The following ZNF592 variants were observed in gnomAD, a reference collection of about 807,000 sequenced individuals.
ZNF592 encodes the protein zinc finger protein 592.
In ZNF592, 11 loss-of-function variants were observed where a neutral mutation model predicts 80.3. That is an observed-to-expected ratio of 0.14 (90% confidence interval 0.09 to 0.23). The LOEUF is 0.23. ZNF592 is among the 10% of genes least tolerant of loss of function. The pLI, the probability that ZNF592 is intolerant of heterozygous loss-of-function variation, is 1.00. For missense variants in ZNF592, 1,420 were observed against 1,633.9 expected (o/e 0.87, Z 2.26); for synonymous variants, 646 against 640.3 (o/e 1.01, Z -0.13).
chr15:84,751,632 C>A (rs1269195904), intron 1 of ZNF592, among the ~76,000 whole-genome samples: 1 of 150,196 alleles, frequency 6.7e-6, no homozygotes, highest in Non-Finnish European at 1.5e-5. Flanking sequence ...AAGCTGGATG[C>A]GGTGGCTCAT....
chr15:84,780,679 A>G (rs1297652706), intron 3 of ZNF592, among the ~76,000 whole-genome samples: 1 of 152,224 alleles, frequency 6.6e-6, no homozygotes, highest in Non-Finnish European at 1.5e-5. Flanking sequence ...GAGTGGGGCA[A>G]GAAACCAAAC....
Position 84,758,264 on chromosome 15 carries a change from C to T in ZNF592, c.-258-6443C>T, listed in dbSNP as rs192208026. Among the ~76,000 whole-genome samples the T allele has an allele frequency of 3.9e-3, 599 of 152,174 alleles. 2 individuals are homozygous for T. Among genetic ancestry groups the T allele is most frequent in the African/African-American group, 0.014 (567 of 41,520 alleles). ...CTGGGATTACAGGCATGAGCCACAG[C>T]GCCCGGCCCCGTTAATCCTTTAAAA... On this transcript the variant is annotated intron_variant, in intron 1 of 10. Coordinates refer to ENST00000560079, the MANE Select transcript of ZNF592 (RefSeq NM_014630.3).
At position 84,784,798 on chromosome 15, in the gene ZNF592, G is replaced by A. The variant is rs777199337; in HGVS notation, c.2123G>A (p.Arg708Gln). Residue 708 changes from arginine (R) to glutamine (Q), a missense_variant, in exon 4 of 11, where the codon CGG becomes CAG. Arg to Gln is a conservative substitution (Grantham distance 43, BLOSUM62 1). Around this residue, in one of 7 missense-constraint regions of ZNF592, gnomAD observed 524 missense variants for 628.3 expected, o/e 0.83. Transcript: ENST00000560079. The surrounding 1 kb of genome is among the most constrained non-coding windows in gnomAD (Gnocchi z 5.8). Reference sequence around the variant, plus strand: ...TACCCAGACCCTGTGAGGCTCATCCGGTACTCAATCAAGTGTCTTGAATGT... The same window carrying A: ...TACCCAGACCCTGTGAGGCTCATCCAGTACTCAATCAAGTGTCTTGAATGT... The part of the protein sequence containing the change: ...PLYPDPVRLI[R>Q]YSIKCLECHK... 3.7e-6 allele frequency: 6 copies of A among 1,614,066 alleles called. No individual in the cohort carries two copies. The highest frequency in any genetic ancestry group is 1.1e-5 in the South Asian group (1 of 91,080).
chr15:84,770,761 C>G (rs1899674924), intron 2 of ZNF592, among the ~76,000 whole-genome samples: 1 of 152,004 alleles, frequency 6.6e-6, no homozygotes, highest in Admixed American at 6.6e-5. Context: ...CATGGTGGAG[C>G]CTGTGTATCT....
chr15:84,794,481 CT>C lies in ZNF592; in HGVS notation c.2400-3374del, dbSNP rs56308142. Among the ~76,000 whole-genome samples, 818 of 144,198 alleles carry C rather than the reference CT, an allele frequency of 5.7e-3. 1 individual carries two copies. Among genetic ancestry groups the C allele is most frequent in the African/African-American group, 0.014 (555 of 39,606 alleles). The allele number at this position is 144,198 out of a possible 152,430, so 94.6% of individuals were successfully genotyped here. A position where few individuals can be genotyped will look rare whatever the true frequency, so the allele number is the denominator to read the frequency against. On this transcript the variant is annotated intron_variant, in intron 5 of 10. Coordinates refer to ENST00000560079, the MANE Select transcript of ZNF592 (RefSeq NM_014630.3). The stretch of plus-strand genomic sequence containing the variant: ...TGATCATGTGCTTATTGGACTCCAA[CT>C]TTTTTTTTTTTTTGAGACAGTCTTA...
chr15:84,784,736 G>A lies in ZNF592; in HGVS notation c.2061G>A (p.Ser687=), dbSNP rs372059592. 35 of 1,613,814 alleles carry A rather than the reference G, an allele frequency of 2.2e-5. No individual in the cohort carries two copies. In the African/African-American group the frequency reaches 2.7e-4, roughly 12 times the overall value. The stretch of plus-strand genomic sequence containing the variant: ...CCTCTCCCAAACATGGCCTCACTTC[G>A]GGCAGTGCCAGTCCCCCTCCTCCAG... ...PSSSPKHGLT[S]GSASPPPPAL... Residue 687 remains serine, a synonymous_variant, in exon 4 of 11, where the codon TCG becomes TCA. Transcript: ENST00000560079. This position sits in a 1 kb window ranked among gnomAD's most constrained non-coding sequence, Gnocchi z 5.8.
intron 1 of ZNF592, among the ~76,000 whole-genome samples, chr15:84,755,981 T>A (rs1482474824): frequency 1.3e-5 from 2 of 152,220 alleles, no homozygotes; most frequent in Non-Finnish European, 2.9e-5. Flanking sequence ...AGTTGGTTGC[T>A]TTCTTTAGGG....
intron 4 of ZNF592, among the ~76,000 whole-genome samples, chr15:84,790,445 TG>T (rs1448583033): frequency 6.6e-6 from 1 of 152,164 alleles, no homozygotes; most frequent in Non-Finnish European, 1.5e-5. Context: ...AACACAGTCC[TG>T]GGGCGGAACT....
Position 84,798,503 on chromosome 15 carries a change from GA to G in ZNF592, c.2736+30del. 3.1e-6 allele frequency: 5 copies of G among 1,613,906 alleles called. No individual in the cohort carries two copies. Among genetic ancestry groups the G allele is most frequent in the Non-Finnish European group, 4.2e-6 (5 of 1,179,874 alleles). The stretch of plus-strand genomic sequence containing the variant: ...GGATGCCTTGCGGGAGGAGGCCGGG[GA>G]GGAGGGCACATGCCTCAGGCTGGGG... On this transcript the variant is annotated intron_variant, in intron 7 of 10. Transcript: ENST00000560079. This position sits in a 1 kb window ranked among gnomAD's most constrained non-coding sequence, Gnocchi z 4.5.
In ZNF592 at chr15:84,799,216, TC is replaced by T. The variant is rs757567039; in HGVS notation, c.3137+9del. On this transcript the variant is annotated splice_region_variant and intron_variant, in intron 9 of 10. Transcript: ENST00000560079. The surrounding 1 kb of genome is among the most constrained non-coding windows in gnomAD (Gnocchi z 4.2). ...AAGAAGTTCTACACCTGCGGGTGAGTCCCTGGGGATAGTAGTGAGGAGGCCT... is the reference window on the plus strand; with the variant it reads ...AAGAAGTTCTACACCTGCGGGTGAGTCCTGGGGATAGTAGTGAGGAGGCCT... 6.2e-7 allele frequency: 1 copy of T among 1,613,646 alleles called. No homozygotes were observed. Among genetic ancestry groups the T allele is most frequent in the Non-Finnish European group, 8.5e-7 (1 of 1,179,714 alleles).
chr15:84,797,850 C>A lies in ZNF592; in HGVS notation c.2400-19C>A. The A allele has an allele frequency of 6.2e-7, 1 of 1,614,204 alleles. No homozygotes were observed. The highest frequency in any genetic ancestry group is 8.5e-7 in the Non-Finnish European group (1 of 1,180,024). On this transcript the variant is annotated intron_variant, in intron 5 of 10. Coordinates refer to ENST00000560079, the MANE Select transcript of ZNF592 (RefSeq NM_014630.3). ...TCCCTATACTCCACCCACACTCACA[C>A]TACCCCACTTCTGTCTAGGTGCATC...
chr15:84,772,835 A>G (rs1258707106), intron 2 of ZNF592, among the ~76,000 whole-genome samples: 3 of 152,040 alleles, frequency 2.0e-5, no homozygotes, highest in Admixed American at 6.5e-5. Context: ...TCCTTGTCTT[A>G]TTAAACAGAA....
At position 84,795,735 on chromosome 15, in the gene ZNF592, A is replaced by C. The variant is rs185708109; in HGVS notation, c.2400-2134A>C. On this transcript the variant is annotated intron_variant, in intron 5 of 10. Coordinates refer to ENST00000560079, the MANE Select transcript of ZNF592 (RefSeq NM_014630.3). ...TTTAGCAGGAGAGAAAGGAAAATTA[A>C]GTAAGTAACTTGAATAGAAACCCTA... Among the ~76,000 whole-genome samples, 405 of 152,330 alleles carry C rather than the reference A, an allele frequency of 2.7e-3. 3 individuals are homozygous for C. The highest frequency in any genetic ancestry group is 2.6e-3 in the Non-Finnish European group (180 of 68,042).
At chr15:84,751,751 A>G (rs1899022129) in intron 1 of ZNF592, among the ~76,000 whole-genome samples, 1 of 152,020 alleles carries the variant, frequency 6.6e-6, no homozygotes, top group African/African-American at 2.4e-5. Context: ...CTAAAAATAT[A>G]AAAATTAGCT....
chr15:84,755,892 C>T (rs1342030330), intron 1 of ZNF592, among the ~76,000 whole-genome samples: 1 of 152,278 alleles, frequency 6.6e-6, no homozygotes, highest in East Asian at 1.9e-4. Flanking sequence ...TTGGGATAGT[C>T]CCTGAATTCA....
intron 1 of ZNF592, among the ~76,000 whole-genome samples, chr15:84,758,542 C>T (rs1220608272): frequency 6.6e-6 from 1 of 152,092 alleles, no homozygotes; most frequent in African/African-American, 2.4e-5. Flanking sequence ...TCTTGGCATC[C>T]CAAAATGCTG....
rs1301940718 is a variant in ZNF592 at position 84,802,032 on chromosome 15, T to C, written c.3443T>C (p.Val1148Ala). The C allele has an allele frequency of 6.2e-7, 1 of 1,613,786 alleles. No individual in the cohort carries two copies. The highest frequency in any genetic ancestry group is 1.3e-5 in the African/African-American group (1 of 74,900). The part of the protein sequence containing the change: ...EFQSHIPQHQ[V>A]DSSTAQCLLC... ...CAGAGCCACATACCTCAGCACCAGG[T>C]GGACAGCTCCACAGCCCAATGTCTC... Residue 1148 changes from valine to alanine, a missense_variant, in exon 11 of 11, where the codon GTG becomes GCG. This residue lies in a region of ZNF592 where 145 missense variants were observed against 211.9 expected (regional missense o/e 0.68). Coordinates refer to ENST00000560079, the MANE Select transcript of ZNF592 (RefSeq NM_014630.3).
chr15:84,776,583 C>A (rs183472077), intron 2 of ZNF592, among the ~76,000 whole-genome samples: 13 of 152,114 alleles, frequency 8.5e-5, no homozygotes, highest in African/African-American at 3.1e-4. Flanking sequence ...TGGCGAAACC[C>A]CATCTCTATT....
chr15:84,779,178 A>G (rs1962351348), intron 3 of ZNF592, among the ~76,000 whole-genome samples: 1 of 152,318 alleles, frequency 6.6e-6, no homozygotes, highest in South Asian at 2.1e-4. Flanking sequence ...TATGTTGCAA[A>G]TATTCCTTTT....
Sources: gnomAD v4.1 joint callset for allele counts (sites outside exome capture counted in the v4.1 genomes callset) on GRCh38, gnomAD v4.1.1 for gene constraint, gnomAD v4.1.1 regional missense constraint, Gnocchi (gnomAD v3.1) non-coding constraint, MANE v1.5 for transcripts, NCBI Gene and HGNC (gene_info 2026-07-23, HGNC 2026-07-21) for gene names.